The following DAB1 variants were observed in gnomAD, a reference collection of about 807,000 sequenced individuals.
DAB1 encodes the protein disabled homolog 1.
Under a neutral mutation model 64.6 loss-of-function variants are expected in DAB1, and 15 were observed. The observed-to-expected ratio is 0.23, with a 90% confidence interval of 0.16 to 0.36. The LOEUF (loss-of-function observed/expected upper bound fraction) is 0.36, where lower values mean the gene tolerates loss of function less well. Ranked by LOEUF, DAB1 falls within the 10% of genes least tolerant of loss-of-function variation. The pLI is 1.00. For missense variants in DAB1, 596 were observed against 706.7 expected (o/e 0.84, Z 1.78); for synonymous variants, 235 against 251.9 (o/e 0.93, Z 0.64).
At chr1:58,126,170 C>A (rs988594333) in intron 5 of DAB1, among the ~76,000 whole-genome samples, 3 of 152,156 alleles carry the variant, frequency 2.0e-5, no homozygotes, top group South Asian at 2.1e-4. Flanking sequence ...AAAGAAAAGG[C>A]CTTAAAGAAC....
intron 6 of DAB1, among the ~76,000 whole-genome samples, chr1:57,735,821 GA>G (rs1306118103): frequency 2.0e-5 from 3 of 151,918 alleles, no homozygotes; most frequent in South Asian, 4.2e-4. Context: ...CCTCCCATCA[GA>G]AAAAATGTGG....
At chr1:57,315,660 G>A (rs758621079) in intron 1 of DAB1, among the ~76,000 whole-genome samples, 20 of 152,036 alleles carry the variant, frequency 1.3e-4, no homozygotes, top group Non-Finnish European at 2.6e-4. Flanking sequence ...CTGCCACCAC[G>A]CCCAGCTAAT....
In DAB1 at chr1:58,217,432, T is replaced by C. The variant is rs77137285; in HGVS notation, n.310-66844A>G. On this transcript the variant is annotated intron_variant and non_coding_transcript_variant, in intron 4 of 20. Coordinates refer to the DAB1 transcript ENST00000485760. ...GAAGACAAGGTCAGCAGGCCCAGCA[T>C]TGGCTGGAAAGATACGCAAGTAGGG... Among the ~76,000 whole-genome samples, 800 of 152,332 alleles carry C rather than the reference T, an allele frequency of 5.3e-3. 9 individuals are homozygous for C. The highest frequency in any genetic ancestry group is 0.018 in the African/African-American group (746 of 41,580).
intron 7 of DAB1, among the ~76,000 whole-genome samples, chr1:57,549,184 C>T (rs1235442852): frequency 6.6e-6 from 1 of 152,130 alleles, no homozygotes; most frequent in Non-Finnish European, 1.5e-5. Flanking sequence ...TCTCAGATCA[C>T]TGTAATAGCA....
intron 5 of DAB1, among the ~76,000 whole-genome samples, chr1:58,015,537 G>T (rs545331573): frequency 6.6e-6 from 1 of 152,218 alleles, no homozygotes; most frequent in South Asian, 2.1e-4. Context: ...TGACAAGCTT[G>T]TCCTGAGCAG....
intron 2 of DAB1, among the ~76,000 whole-genome samples, chr1:57,262,267 C>T (rs523783): frequency 0.018 from 2,689 of 152,292 alleles, 85 homozygotes; most frequent in African/African-American, 0.062. Flanking sequence ...CTTTCTGTGG[C>T]AGAGGCCACA....
At chr1:57,735,795 C>A (rs1390800228) in intron 6 of DAB1, among the ~76,000 whole-genome samples, 1 of 152,064 alleles carries the variant, frequency 6.6e-6, no homozygotes, top group Non-Finnish European at 1.5e-5. Context: ...TATCCACAAA[C>A]ATACTCATAA....
chr1:58,005,537 G>A (rs903546922), intron 5 of DAB1, among the ~76,000 whole-genome samples: 1 of 150,764 alleles, frequency 6.6e-6, no homozygotes, highest in South Asian at 2.1e-4. Flanking sequence ...CTATATCCTC[G>A]TGGGGATCCT....
At chr1:57,189,952 A>C (rs984060745) in intron 2 of DAB1, among the ~76,000 whole-genome samples, 4 of 152,112 alleles carry the variant, frequency 2.6e-5, no homozygotes, top group African/African-American at 4.8e-5. Flanking sequence ...AGGACTGAAC[A>C]GAATTTGGTG....
intron 5 of DAB1, among the ~76,000 whole-genome samples, chr1:57,973,831 C>A (rs1436703406): frequency 6.6e-6 from 1 of 152,126 alleles, no homozygotes; most frequent in African/African-American, 2.4e-5. Flanking sequence ...GTCACCATCA[C>A]CATTCTTGCC....
intron 1 of DAB1, among the ~76,000 whole-genome samples, chr1:57,380,411 T>C (rs563343614): frequency 6.6e-6 from 1 of 152,302 alleles, no homozygotes; most frequent in South Asian, 2.1e-4. Context: ...TACCCAAATA[T>C]TGGTCAATCA....
At chr1:58,500,695 A>G (rs1350512222) in intron 3 of DAB1, among the ~76,000 whole-genome samples, 1 of 152,198 alleles carries the variant, frequency 6.6e-6, no homozygotes, top group African/African-American at 2.4e-5. Flanking sequence ...ACCATAAACA[A>G]TGAGTAAGTT....
chr1:57,253,080 T>C (rs1327254730), intron 2 of DAB1, among the ~76,000 whole-genome samples: 1 of 152,180 alleles, frequency 6.6e-6, no homozygotes, highest in African/African-American at 2.4e-5. Context: ...GAGTGAGTCA[T>C]CTGATCCTTG....
intron 2 of DAB1, among the ~76,000 whole-genome samples, chr1:57,273,557 T>TCCTG (rs1671194690): frequency 1.0e-5 from 1 of 98,532 alleles, no homozygotes. Context: ...CTGCCTGCCT[T>TCCTG]CCTTCCTTCC....
chr1:57,796,263 C>A (rs932434207), intron 6 of DAB1, among the ~76,000 whole-genome samples: 1 of 152,184 alleles, frequency 6.6e-6, no homozygotes, highest in African/African-American at 2.4e-5. Flanking sequence ...CGCGGTGGCT[C>A]ACGCCTGTAA....
intron 6 of DAB1, among the ~76,000 whole-genome samples, chr1:57,753,073 C>T (rs1648628633): frequency 6.6e-6 from 1 of 152,136 alleles, no homozygotes; most frequent in Non-Finnish European, 1.5e-5. Flanking sequence ...GAGAGGTGAT[C>T]CCTTGAAGCA....
At chr1:57,596,384 G>A (rs530364212) in intron 7 of DAB1, among the ~76,000 whole-genome samples, 3 of 152,256 alleles carry the variant, frequency 2.0e-5, no homozygotes, top group African/African-American at 2.4e-5. Flanking sequence ...TGTTTACTCC[G>A]AGCACCTGAA....
intron 7 of DAB1, among the ~76,000 whole-genome samples, chr1:57,436,199 G>A (rs560768678): frequency 2.2e-4 from 33 of 152,144 alleles, no homozygotes; most frequent in Non-Finnish European, 3.5e-4. Context: ...TTACAGGCGT[G>A]AGCCACCATG....
At chr1:58,301,343 C>CCTCT (rs1400246714) in intron 4 of DAB1, among the ~76,000 whole-genome samples, 1 of 152,160 alleles carries the variant, frequency 6.6e-6, no homozygotes, top group Non-Finnish European at 1.5e-5. Context: ...TTTATCTCAA[C>CCTCT]CTCTGGGAGA....
Sources: allele counts gnomAD v4.1 joint callset (sites outside exome capture counted in the v4.1 genomes callset), GRCh38; gene constraint gnomAD v4.1.1; transcripts MANE v1.5; gene names NCBI Gene and HGNC (gene_info 2026-07-23, HGNC 2026-07-21).